NSD2: variants seen among roughly 807,000 people sequenced by gnomAD.
NSD2 encodes nuclear receptor binding SET domain protein 2, also known as histone-lysine N-methyltransferase NSD2.
In NSD2, 12 loss-of-function variants were observed where a neutral mutation model predicts 139.0. The observed-to-expected ratio is 0.09, with a 90% confidence interval of 0.06 to 0.14. The LOEUF (loss-of-function observed/expected upper bound fraction) is 0.14, where lower values mean the gene tolerates loss of function less well. NSD2 is among the 10% of genes least tolerant of loss of function. NSD2 has a pLI of 1.00. For synonymous variants in NSD2, 669 were observed against 648.7 expected (o/e 1.03, Z -0.48); for missense variants, 1,155 against 1,745.0 (o/e 0.66, Z 6.02).
At chr4:1,899,306 G>A (rs550551908) in intron 1 of NSD2, 95 of 152,336 alleles carry the variant, frequency 6.2e-4, no homozygotes, top group Admixed American at 2.3e-3. Context: ...CCTCAGTACT[G>A]TGGACATCTC....
chr4:1,887,355 A>G (rs1398780876), intron 1 of NSD2: 1 of 152,120 alleles, frequency 6.6e-6, no homozygotes, highest in African/African-American at 2.4e-5. Context: ...TTGCTCAGTT[A>G]TAGCAAGTCC....
At chr4:1,890,148 G>A (rs942291315) in intron 1 of NSD2, among the ~76,000 whole-genome samples, 1 of 152,152 alleles carries the variant, frequency 6.6e-6, no homozygotes, top group Non-Finnish European at 1.5e-5. Flanking sequence ...CATAAATCAG[G>A]ACGTCATTTC....
chr4:1,888,906 T>TG (rs1466938170), intron 1 of NSD2, among the ~76,000 whole-genome samples: 1 of 150,968 alleles, frequency 6.6e-6, no homozygotes, highest in Non-Finnish European at 1.5e-5. Context: ...TTAGTATTTT[T>TG]TTTTTTTTTT....
At chr4:1,878,245 ATATATATT>A (rs1714422973) in intron 1 of NSD2, among the ~76,000 whole-genome samples, 1 of 38,472 alleles carries the variant, frequency 2.6e-5, no homozygotes, top group African/African-American at 1.2e-4. Context: ...ATATATATAT[ATATATATT>A]TTTTTTTTTT....
At chr4:1,911,364 G>A (rs1243131115) in intron 3 of NSD2, among the ~76,000 whole-genome samples, 2 of 152,014 alleles carry the variant, frequency 1.3e-5, no homozygotes, top group Non-Finnish European at 2.9e-5. Context: ...AAGGCAGGTG[G>A]GTGACTTGAG....
chr4:1,915,069 C>G (rs1038406909), intron 3 of NSD2, among the ~76,000 whole-genome samples: 1 of 141,746 alleles, frequency 7.1e-6, no homozygotes, highest in African/African-American at 2.6e-5. Flanking sequence ...TGGGAGATTT[C>G]TTATCTTCCA....
At chr4:1,940,357 T>C in intron 9 of NSD2, 1 of 1,068,068 alleles carries the variant, frequency 9.4e-7, no homozygotes. Flanking sequence ...ACTCCTGTGT[T>C]CTGGACTTGC....
In NSD2 at chr4:1,956,377, T is replaced by A. The variant is rs1724804475; in HGVS notation, c.2881+189T>A. 6.6e-6 allele frequency among the ~76,000 whole-genome samples: 1 copy of A among 152,270 alleles called. No homozygotes were observed. The highest frequency in any genetic ancestry group is 2.4e-5 in the African/African-American group (1 of 41,472). On this transcript the variant is annotated intron_variant, in intron 15 of 21. Transcript: ENST00000508803. This position sits in a 1 kb window ranked among gnomAD's most constrained non-coding sequence, Gnocchi z 5.3. The stretch of plus-strand genomic sequence containing the variant: ...ATAGAATAAGATACACTGATAACTT[T>A]TGTAACATTGGTTTGTGATTAATTT...
rs1726930440 is a variant in NSD2 at position 1,975,098 on chromosome 4, G to C, written c.3514+94G>C. 5.7e-6 allele frequency: 9 copies of C among 1,574,552 alleles called. No homozygotes were observed. The South Asian group carries it at 9.1e-5, about 16-fold the overall frequency. ...CGTGGGGCTGGACTGGAAAGGCTCT[G>C]GGGGAGGTGGGTGCTGATGTGGAGT... On this transcript the variant is annotated intron_variant, in intron 19 of 21. Transcript: ENST00000508803.
In NSD2 at chr4:1,979,007, C is replaced by G. The variant is rs950287294; in HGVS notation, c.*98C>G. 3.9e-5 allele frequency: 55 copies of G among 1,406,808 alleles called. No homozygotes were observed. Among genetic ancestry groups the G allele is most frequent in the Middle Eastern group, 2.6e-4 (1 of 3,838 alleles). The allele number at this position is 1,406,808 out of a possible 1,614,324, so 87.1% of individuals were successfully genotyped here. The stretch of plus-strand genomic sequence containing the variant: ...ATGAACTGGCCCGGAGGACCCAGCT[C>G]GAGCCGCCAGGACACAGACGTACAG... On this transcript the variant is annotated 3_prime_UTR_variant, in exon 22 of 22. Coordinates refer to ENST00000508803, the MANE Select transcript of NSD2 (RefSeq NM_001042424.3).
In NSD2 at chr4:1,955,915, T is replaced by TA; in HGVS notation, c.2676-65dup. 1 of 1,610,792 alleles carries TA rather than the reference T, an allele frequency of 6.2e-7. No individual in the cohort carries two copies. Among genetic ancestry groups the TA allele is most frequent in the South Asian group, 1.1e-5 (1 of 90,868 alleles). On this transcript the variant is annotated intron_variant, in intron 14 of 21. Transcript: ENST00000508803. This position sits in a 1 kb window ranked among gnomAD's most constrained non-coding sequence, Gnocchi z 4.7. ...TCACATGTGTTCGCTTTACAGTACT[T>TA]AAAGTATTGAAATTATTATCGCTGT...
At chr4:1,897,494 A>G (rs866245446) in intron 1 of NSD2, among the ~76,000 whole-genome samples, 4 of 139,682 alleles carry the variant, frequency 2.9e-5, no homozygotes, top group East Asian at 2.0e-4. Context: ...GTCTCAAGGG[A>G]AAAAAAAAAT....
intron 7 of NSD2, among the ~76,000 whole-genome samples, chr4:1,936,625 G>A (rs1012002629): frequency 2.8e-5 from 4 of 141,388 alleles, no homozygotes; most frequent in South Asian, 4.5e-4. Flanking sequence ...CTGAGATTGC[G>A]CCACTGCACT....
At chr4:1,890,991 T>C (rs1715490763) in intron 1 of NSD2, among the ~76,000 whole-genome samples, 1 of 152,026 alleles carries the variant, frequency 6.6e-6, no homozygotes, top group Non-Finnish European at 1.5e-5. Flanking sequence ...CCTCACAGGC[T>C]GAAGTGGTCT....
rs1347187007 is a variant in NSD2 at position 1,973,929 on chromosome 4, T to A, written c.3373-934T>A. Reference sequence around the variant, plus strand: ...TCCCTGCTGCTGGGTGGAGATGTTGTCTCCAGTTCCTGCCTTTGGCCTCCA... The same window carrying A: ...TCCCTGCTGCTGGGTGGAGATGTTGACTCCAGTTCCTGCCTTTGGCCTCCA... On this transcript the variant is annotated intron_variant, in intron 18 of 21. Transcript: ENST00000508803. The surrounding 1 kb of genome is among the most constrained non-coding windows in gnomAD (Gnocchi z 5.5). 3.3e-5 allele frequency among the ~76,000 whole-genome samples: 5 copies of A among 152,214 alleles called. No individual in the cohort carries two copies. The highest frequency in any genetic ancestry group is 7.3e-5 in the Non-Finnish European group (5 of 68,042).
At chr4:1,978,356 G>T (rs1208788802) in intron 21 of NSD2, among the ~76,000 whole-genome samples, 2 of 152,106 alleles carry the variant, frequency 1.3e-5, no homozygotes, top group African/African-American at 4.8e-5. Flanking sequence ...CGCCGCGCTG[G>T]GGGACACTCC....
chr4:1,950,353 C>T (rs1724078407), intron 9 of NSD2, among the ~76,000 whole-genome samples: 1 of 152,142 alleles, frequency 6.6e-6, no homozygotes, highest in Non-Finnish European at 1.5e-5. Context: ...GCCTTTATCC[C>T]AGGCCTTTTA....
At chr4:1,935,313 T>G (rs754719706) in intron 7 of NSD2, 51 bp downstream of exon 7, 1 of 1,410,188 alleles carries the variant, frequency 7.1e-7, no homozygotes, top group East Asian at 2.3e-5. Flanking sequence ...GCTCTGTGAC[T>G]CTTGGTGCCA....
Position 1,958,399 on chromosome 4 carries a change from C to T in NSD2, c.2985+363C>T, listed in dbSNP as rs2108967347. Among the ~76,000 whole-genome samples, 1 of 152,302 alleles carries T rather than the reference C, an allele frequency of 6.6e-6. No homozygotes were observed. Among genetic ancestry groups the T allele is most frequent in the East Asian group, 1.9e-4 (1 of 5,182 alleles). ...TACGGCCAGGGCTCAGTGACTGAGC[C>T]CCAAACACGTAGATCCTGTACCTCA... On this transcript the variant is annotated intron_variant, in intron 16 of 21. Transcript: ENST00000508803. This position sits in a 1 kb window ranked among gnomAD's most constrained non-coding sequence, Gnocchi z 4.6.
Sources: allele counts gnomAD v4.1 joint callset (sites outside exome capture counted in the v4.1 genomes callset), GRCh38; gene constraint gnomAD v4.1.1; non-coding constraint Gnocchi (gnomAD v3.1); transcripts MANE v1.5; gene names NCBI Gene and HGNC (gene_info 2026-07-23, HGNC 2026-07-21).